MED9: variants seen among roughly 807,000 people sequenced by gnomAD.
MED9 encodes mediator of RNA polymerase II transcription subunit 9.
Under a neutral mutation model 13.2 loss-of-function variants are expected in MED9, and 8 were observed. That is an observed-to-expected ratio of 0.61 (90% CI 0.36 to 1.10). The LOEUF (loss-of-function observed/expected upper bound fraction) is 1.10, where lower values mean the gene tolerates loss of function less well. Ranked by LOEUF, MED9 falls within the 50% of genes least tolerant of loss-of-function variation. MED9 has a pLI of 0.02. For missense variants in MED9, 180 were observed against 193.4 expected (o/e 0.93, Z 0.41); for synonymous variants, 87 against 82.8 (o/e 1.05, Z -0.28).
Position 17,492,516 on chromosome 17 carries a change from A to T in MED9, c.*1021A>T, listed in dbSNP as rs529335130. Reference sequence around the variant, plus strand: ...CAACCATAAGCTAGGTCTGAAAGTTACACAGCCAAGTTTGAGCTCTTAAAA... The same window carrying T: ...CAACCATAAGCTAGGTCTGAAAGTTTCACAGCCAAGTTTGAGCTCTTAAAA... On this transcript the variant is annotated 3_prime_UTR_variant, in exon 2 of 2. Transcript: ENST00000268711. 6.6e-6 allele frequency: 1 copy of T among 152,370 alleles called. No individual in the cohort carries two copies. The highest frequency in any genetic ancestry group is 1.9e-4 in the East Asian group (1 of 5,190). 9.4% of individuals were successfully genotyped at this position (152,370 alleles called of 1,614,324 possible). A position where few individuals can be genotyped will look rare whatever the true frequency, so the allele number is the denominator to read the frequency against.
intron 1 of MED9, among the ~76,000 whole-genome samples, chr17:17,484,322 G>A (rs760287677): frequency 6.6e-5 from 10 of 152,192 alleles, no homozygotes; most frequent in Non-Finnish European, 1.3e-4. Flanking sequence ...GAGGGGAGCC[G>A]TCCTTGCCAC....
chr17:17,488,562 G>A (rs1040167769), intron 1 of MED9, among the ~76,000 whole-genome samples: 12 of 152,206 alleles, frequency 7.9e-5, no homozygotes, highest in Admixed American at 1.3e-4. Flanking sequence ...GGCTGGGTGC[G>A]GTGGCTTACG....
At chr17:17,481,103 G>A (rs1905025999) in intron 1 of MED9, among the ~76,000 whole-genome samples, 1 of 152,198 alleles carries the variant, frequency 6.6e-6, no homozygotes, top group African/African-American at 2.4e-5. Flanking sequence ...GAGGAGGGAA[G>A]AGCCAGGAAA....
rs751488956 is a variant in MED9, at chr17:17,477,286, C to A, written c.224+21C>A. 8 of 1,558,374 alleles carry A rather than the reference C, an allele frequency of 5.1e-6. No homozygotes were observed. In the East Asian group the frequency reaches 1.8e-4, roughly 35 times the overall value. ...AAATGGTAAGAACCTAGGAGAGGACCAGGCCCCATACTCCCTCCAGCTTCT... is the reference window on the plus strand; with the variant it reads ...AAATGGTAAGAACCTAGGAGAGGACAAGGCCCCATACTCCCTCCAGCTTCT... On this transcript the variant is annotated intron_variant, in intron 1 of 1. Coordinates refer to ENST00000268711, the MANE Select transcript of MED9 (RefSeq NM_018019.3).
chr17:17,491,697 T>G lies in MED9; in HGVS notation c.*202T>G. 1.7e-6 allele frequency: 1 copy of G among 588,070 alleles called. No individual in the cohort carries two copies. 36.4% of individuals were successfully genotyped at this position (588,070 alleles called of 1,614,324 possible). On this transcript the variant is annotated 3_prime_UTR_variant, in exon 2 of 2. Transcript: ENST00000268711. ...TTGGCTGCGCCGGGGGTTCCTCGTG[T>G]AGATCCATATGTCTAGATGCATAAT...
Position 17,480,506 on chromosome 17 carries a change from G to A in MED9, c.224+3241G>A, listed in dbSNP as rs1242513. 8.6e-3 allele frequency among the ~76,000 whole-genome samples: 1,303 copies of A among 152,290 alleles called. 13 individuals carry two copies. Among genetic ancestry groups the A allele is most frequent in the Non-Finnish European group, 0.015 (1,009 of 68,020 alleles). On this transcript the variant is annotated intron_variant, in intron 1 of 1. Coordinates refer to ENST00000268711, the MANE Select transcript of MED9 (RefSeq NM_018019.3). ...AAACCCCCTGGTAAGAAAGACACGG[G>A]TCAGGCGCGGTGCCTCATGTCTGTC...
At position 17,492,059 on chromosome 17, in the gene MED9, CCAAA is replaced by C. The variant is rs749466559; in HGVS notation, c.*567_*570del. ...AAAGGCCAGAGGGTGGCCTTTTTCC[CCAAA>C]CAGTTTGGTTCCTTTTATGTTTGAG... On this transcript the variant is annotated 3_prime_UTR_variant, in exon 2 of 2. Coordinates refer to ENST00000268711, the MANE Select transcript of MED9 (RefSeq NM_018019.3). 8.8e-5 allele frequency: 14 copies of C among 158,440 alleles called. No homozygotes were observed. The highest frequency in any genetic ancestry group is 1.4e-4 in the Non-Finnish European group (10 of 71,404). 9.8% of individuals were successfully genotyped at this position (158,440 alleles called of 1,614,324 possible).
intron 1 of MED9, among the ~76,000 whole-genome samples, chr17:17,484,688 T>G (rs1472943198): frequency 6.6e-6 from 1 of 152,230 alleles, no homozygotes; most frequent in Non-Finnish European, 1.5e-5. Flanking sequence ...CATAGACTGC[T>G]CAGATGAGGT....
At position 17,483,628 on chromosome 17, in the gene MED9, A is replaced by G. The variant is rs187348177; in HGVS notation, c.224+6363A>G. Reference sequence around the variant, plus strand: ...GAATGAAAAATTAAACTACACATTTATGTTATTTTTAAAGAATGAGGAAAG... The same window carrying G: ...GAATGAAAAATTAAACTACACATTTGTGTTATTTTTAAAGAATGAGGAAAG... On this transcript the variant is annotated intron_variant, in intron 1 of 1. Coordinates refer to ENST00000268711, the MANE Select transcript of MED9 (RefSeq NM_018019.3). This position sits in a 1 kb window ranked among gnomAD's most constrained non-coding sequence, Gnocchi z 4.2. Among the ~76,000 whole-genome samples, 8 of 152,350 alleles carry G rather than the reference A, an allele frequency of 5.3e-5. No homozygotes were observed. Among genetic ancestry groups the G allele is most frequent in the Admixed American group, 5.2e-4 (8 of 15,304 alleles).
At chr17:17,487,583 A>G in intron 1 of MED9, 1 of 166,920 alleles carries the variant, frequency 6.0e-6, no homozygotes, top group Non-Finnish European at 1.3e-5. Context: ...GAAGGAAGAA[A>G]CTCCGAACAC....
intron 1 of MED9, chr17:17,485,417 G>T: frequency 2.5e-6 from 1 of 397,784 alleles, no homozygotes; most frequent in South Asian, 1.3e-4. Flanking sequence ...GACCTGCTCA[G>T]ACTTGGGTTT....
intron 1 of MED9, among the ~76,000 whole-genome samples, chr17:17,481,802 C>G (rs967183938): frequency 6.6e-6 from 1 of 152,122 alleles, no homozygotes; most frequent in Non-Finnish European, 1.5e-5. Context: ...CAGATAAATC[C>G]CAGCAGTAGA....
At chr17:17,487,586 C>G (rs1381551360) in intron 1 of MED9, 5 of 167,776 alleles carry the variant, frequency 3.0e-5, no homozygotes, top group Non-Finnish European at 6.2e-5. Flanking sequence ...GGAAGAAACT[C>G]CGAACACATC....
At position 17,477,260 on chromosome 17, in the gene MED9, C is replaced by CA; in HGVS notation, c.222dup (p.Cys75MetfsTer56). 1 of 1,593,904 alleles carries CA rather than the reference C, an allele frequency of 6.3e-7. No homozygotes were observed. Among genetic ancestry groups the CA allele is most frequent in the Non-Finnish European group, 8.6e-7 (1 of 1,168,444 alleles). ...TTTTACCTTTGGTTCACAACATCAT[C>CA]AAATGGTAAGAACCTAGGAGAGGAC... On this transcript the variant is annotated frameshift_variant, in exon 1 of 2. Coordinates refer to ENST00000268711, the MANE Select transcript of MED9 (RefSeq NM_018019.3). LOFTEE classifies it high-confidence loss of function.
At chr17:17,481,522 A>G (rs1426578962) in intron 1 of MED9, among the ~76,000 whole-genome samples, 1 of 152,250 alleles carries the variant, frequency 6.6e-6, no homozygotes, top group East Asian at 1.9e-4. Context: ...CCTTCTGGGA[A>G]TTACATATGA....
chr17:17,477,216 G>A lies in MED9; in HGVS notation c.175G>A (p.Glu59Lys). 2 of 1,610,486 alleles carry A rather than the reference G, an allele frequency of 1.2e-6. No individual in the cohort carries two copies. Among genetic ancestry groups the A allele is most frequent in the Non-Finnish European group, 1.7e-6 (2 of 1,177,966 alleles). ...GCCTCAGTCACCTGCCCGCGCGAGG[G>A]AGGAAGAGAACTACTCCTTTTTACC... ...PRPQSPARAR[E>K]EENYSFLPLV... Residue 59 changes from glutamate (E) to lysine (K), a missense_variant, in exon 1 of 2, where the codon GAG becomes AAG. Glu to Lys is a moderately conservative substitution (Grantham distance 56, BLOSUM62 1). Transcript: ENST00000268711.
chr17:17,491,658 AG>A lies in MED9; in HGVS notation c.*164del. The A allele has an allele frequency of 1.5e-6, 1 of 677,248 alleles. No individual in the cohort carries two copies. The highest frequency in any genetic ancestry group is 2.5e-6 in the Non-Finnish European group (1 of 402,394). 42.0% of individuals were successfully genotyped at this position (677,248 alleles called of 1,614,324 possible). On this transcript the variant is annotated 3_prime_UTR_variant, in exon 2 of 2. Transcript: ENST00000268711. ...GCTGCGCGCGCTTCGCCTGTGCGGGAGCCAGCGCAGAGCTTGGCTGCGCCGG... is the reference window on the plus strand; with the variant it reads ...GCTGCGCGCGCTTCGCCTGTGCGGGACCAGCGCAGAGCTTGGCTGCGCCGG...
intron 1 of MED9, chr17:17,487,244 G>T (rs1905150098): frequency 6.6e-6 from 1 of 152,314 alleles, no homozygotes; most frequent in East Asian, 1.9e-4. Context: ...CTACCAATCA[G>T]CAGGATGTGG....
chr17:17,490,966 C>G (rs1035079207), intron 1 of MED9, among the ~76,000 whole-genome samples: 1 of 152,174 alleles, frequency 6.6e-6, no homozygotes, highest in Non-Finnish European at 1.5e-5. Flanking sequence ...ACACACTGGG[C>G]CGGGGGTAGG....
Sources: gnomAD v4.1 joint callset for allele counts (sites outside exome capture counted in the v4.1 genomes callset) on GRCh38, gnomAD v4.1.1 for gene constraint, Gnocchi (gnomAD v3.1) non-coding constraint, MANE v1.5 for transcripts, NCBI Gene and HGNC (gene_info 2026-07-23, HGNC 2026-07-21) for gene names.